Variants in MTCL1 observed in about 807,000 individuals in gnomAD.
The protein encoded by MTCL1 is microtubule crosslinking factor 1.
A neutral mutation model predicts 141.4 loss-of-function variants in MTCL1; 79 were observed. That is an observed-to-expected ratio of 0.56 (90% CI 0.47 to 0.67). MTCL1 has a LOEUF of 0.67. Ranked by LOEUF, MTCL1 falls within the 30% of genes least tolerant of loss-of-function variation. The probability of loss-of-function intolerance (pLI) is 0.00; values close to 1 mark genes in which losing one functional copy is unlikely to be tolerated. For missense variants in MTCL1, 2,177 were observed against 2,113.9 expected, an observed-to-expected ratio of 1.03 and a Z score of -0.59; for synonymous variants, 914 against 875.8, an observed-to-expected ratio of 1.04 and a Z score of -0.77.
intron 4 of MTCL1, among the ~76,000 whole-genome samples, chr18:8,723,310 T>C (rs17480497): frequency 0.26 from 39,913 of 152,118 alleles, 5,927 homozygotes; most frequent in Admixed American, 0.4. Flanking sequence ...TGTGAATGGG[T>C]TCTTTTTGCA....
At chr18:8,724,486 C>T (rs2096194621) in intron 4 of MTCL1, among the ~76,000 whole-genome samples, 1 of 152,148 alleles carries the variant, frequency 6.6e-6, no homozygotes, top group East Asian at 1.9e-4. Flanking sequence ...CCACCTCAGA[C>T]GAGTATTTGA....
intron 4 of MTCL1, among the ~76,000 whole-genome samples, chr18:8,754,127 G>T (rs1007270722): frequency 4.6e-5 from 7 of 152,124 alleles, no homozygotes; most frequent in Admixed American, 1.3e-4. Flanking sequence ...CTGGAGTGCA[G>T]TGGCACTGTC....
chr18:8,727,110 T>C (rs1031233140), intron 4 of MTCL1, among the ~76,000 whole-genome samples: 1 of 152,202 alleles, frequency 6.6e-6, no homozygotes, highest in Non-Finnish European at 1.5e-5. Flanking sequence ...GCTCCATCCA[T>C]GTTGCTGCGA....
At chr18:8,820,645 A>G (rs1412623207) in intron 13 of MTCL1, among the ~76,000 whole-genome samples, 1 of 152,222 alleles carries the variant, frequency 6.6e-6, no homozygotes, top group Non-Finnish European at 1.5e-5. Context: ...ATCTATTGGC[A>G]ATCTTATACA....
intron 4 of MTCL1, among the ~76,000 whole-genome samples, chr18:8,728,209 A>G (rs1243972067): frequency 1.3e-5 from 2 of 152,168 alleles, no homozygotes; most frequent in African/African-American, 4.8e-5. Context: ...CAGTTAATTT[A>G]ATTGCCTATT....
chr18:8,821,510 T>C lies in MTCL1; in HGVS notation c.3188+12T>C. ...GGAAATCTTCAAAGGTAAGTAAGAT[T>C]GATGAAAATAATAGATTACTAGAAT... On this transcript the variant is annotated intron_variant, in intron 14 of 16. Transcript: ENST00000359865. The C allele has an allele frequency of 7.5e-7, 1 of 1,328,352 alleles. No homozygotes were observed. The highest frequency in any genetic ancestry group is 1.1e-6 in the Non-Finnish European group (1 of 938,302). 82.3% of individuals were successfully genotyped at this position (1,328,352 alleles called of 1,614,324 possible). A position where few individuals can be genotyped will look rare whatever the true frequency, so the allele number is the denominator to read the frequency against.
chr18:8,718,629 G>A, exon 3 of MTCL1: 1 of 1,613,074 alleles, frequency 6.2e-7, no homozygotes. Context: ...CTTATTCGAA[G>A]CCTGGAGCAG....
intron 5 of MTCL1, among the ~76,000 whole-genome samples, chr18:8,781,873 A>G (rs1306278522): frequency 6.6e-6 from 1 of 152,174 alleles, no homozygotes; most frequent in Non-Finnish European, 1.5e-5. Flanking sequence ...AAGAGATGAC[A>G]GTGGGCGTGT....
intron 4 of MTCL1, among the ~76,000 whole-genome samples, chr18:8,737,543 G>A (rs1177400826): frequency 6.6e-6 from 1 of 152,206 alleles, no homozygotes; most frequent in African/African-American, 2.4e-5. Flanking sequence ...CTGATTGATA[G>A]CAAGTGAAAT....
At chr18:8,721,772 T>G (rs2096174758) in intron 4 of MTCL1, among the ~76,000 whole-genome samples, 1 of 152,238 alleles carries the variant, frequency 6.6e-6, no homozygotes, top group Non-Finnish European at 1.5e-5. Context: ...GTGTTTTCTT[T>G]CTCTGTCTTT....
At chr18:8,829,826 A>G (rs1257563060) in intron 16 of MTCL1, 8 of 985,196 alleles carry the variant, frequency 8.1e-6, no homozygotes, top group Non-Finnish European at 9.6e-6. Flanking sequence ...GGGAAAGCGC[A>G]GCATCGTTTG....
rs564218745 is a variant in MTCL1 at position 8,766,439 on chromosome 18, G to A, written c.358-11394G>A. On this transcript the variant is annotated intron_variant, in intron 4 of 16. Transcript: ENST00000359865. ...GTCTGCATCAGAGGCTGGGGCCTGG[G>A]GCGCCCCAGTGGGGACTTGCAGACG... 7.2e-5 allele frequency among the ~76,000 whole-genome samples: 11 copies of A among 152,348 alleles called. 1 individual carries two copies. The highest frequency in any genetic ancestry group is 2.6e-4 in the African/African-American group (11 of 41,582).
intron 4 of MTCL1, among the ~76,000 whole-genome samples, chr18:8,754,486 G>C (rs892355181): frequency 6.6e-5 from 10 of 152,158 alleles, no homozygotes; most frequent in Non-Finnish European, 1.3e-4. Context: ...TCTTGCCCTT[G>C]GCTTTATAAC....
intron 11 of MTCL1, among the ~76,000 whole-genome samples, chr18:8,807,677 C>T (rs757539640): frequency 2.0e-5 from 3 of 152,172 alleles, no homozygotes; most frequent in South Asian, 2.1e-4. Context: ...AGTCTTACAC[C>T]ACAGCCATAG....
upstream of MTCL1, among the ~76,000 whole-genome samples, chr18:8,714,529 A>G (rs1193950903): frequency 6.6e-6 from 1 of 152,208 alleles, no homozygotes; most frequent in African/African-American, 2.4e-5. Context: ...CCTCACAATC[A>G]TGGTGGAAGA....
chr18:8,714,854 T>G (rs529603354), upstream of MTCL1, among the ~76,000 whole-genome samples: 1 of 152,088 alleles, frequency 6.6e-6, no homozygotes, highest in Non-Finnish European at 1.5e-5. Flanking sequence ...TGGAGTGCAG[T>G]GGCGCGATTT....
intron 4 of MTCL1, among the ~76,000 whole-genome samples, chr18:8,759,617 G>T (rs1468634290): frequency 3.3e-5 from 5 of 152,206 alleles, no homozygotes. Flanking sequence ...ACTTTTCAAA[G>T]AGCCAAAGGC....
upstream of MTCL1, among the ~76,000 whole-genome samples, chr18:8,712,632 A>G (rs1472705327): frequency 2.6e-5 from 4 of 152,140 alleles, no homozygotes; most frequent in African/African-American, 7.2e-5. Flanking sequence ...AAGAGTGGCT[A>G]TGATCATTTT....
chr18:8,756,537 ATATGTG>A (rs1322392678), intron 4 of MTCL1, among the ~76,000 whole-genome samples: 24 of 146,802 alleles, frequency 1.6e-4, no homozygotes, highest in African/African-American at 6.3e-4. Flanking sequence ...GTGTGTGTAT[ATATGTG>A]TATATATATG....
Sources: allele counts gnomAD v4.1 joint callset (sites outside exome capture counted in the v4.1 genomes callset), GRCh38; gene constraint gnomAD v4.1.1; transcripts MANE v1.5; gene names NCBI Gene and HGNC (gene_info 2026-07-23, HGNC 2026-07-21).